Variants in SLC26A8 observed in about 807,000 individuals in gnomAD.
The protein encoded by SLC26A8 is solute carrier family 26 member 8.
A neutral mutation model predicts 105.0 loss-of-function variants in SLC26A8; 70 were observed. That is an observed-to-expected ratio of 0.67 (90% CI 0.55 to 0.81). The LOEUF (loss-of-function observed/expected upper bound fraction) is 0.81, where lower values mean the gene tolerates loss of function less well. Ranked by LOEUF, SLC26A8 falls within the 40% of genes least tolerant of loss-of-function variation. The probability of loss-of-function intolerance (pLI) is 0.00; values close to 1 mark genes in which losing one functional copy is unlikely to be tolerated. For synonymous variants in SLC26A8, 415 were observed against 438.3 expected (o/e 0.95, Z 0.66); for missense variants, 998 against 1,181.8 (o/e 0.84, Z 2.28).
chr6:35,980,963 G>A (rs1482188603), intron 8 of SLC26A8, among the ~76,000 whole-genome samples: 1 of 152,072 alleles, frequency 6.6e-6, no homozygotes, highest in Non-Finnish European at 1.5e-5. Flanking sequence ...AGTGAGCTGA[G>A]ATGGCGCATT....
chr6:35,999,013 G>A (rs528503389), intron 4 of SLC26A8, among the ~76,000 whole-genome samples: 11 of 150,362 alleles, frequency 7.3e-5, no homozygotes, highest in African/African-American at 2.8e-4. Context: ...TCCTGCCTCA[G>A]CCTCCCAAGT....
intron 16 of SLC26A8, among the ~76,000 whole-genome samples, chr6:35,959,192 C>A (rs1382319091): frequency 6.6e-6 from 1 of 152,174 alleles, no homozygotes; most frequent in African/African-American, 2.4e-5. Flanking sequence ...GCAAACTGTT[C>A]TCTGGTCACT....
At chr6:36,012,651 T>C (rs1456639263) in intron 2 of SLC26A8, among the ~76,000 whole-genome samples, 2 of 152,198 alleles carry the variant, frequency 1.3e-5, no homozygotes, top group African/African-American at 4.8e-5. Context: ...TCTCCAGACA[T>C]CGCCACATGT....
At chr6:35,968,607 G>A (rs559175264) in intron 11 of SLC26A8, among the ~76,000 whole-genome samples, 7,809 of 46,318 alleles carry the variant, frequency 0.17, 637 homozygotes, top group Middle Eastern at 0.21. Context: ...GTGTGTGTGT[G>A]TGTATATATA....
intron 1 of SLC26A8, among the ~76,000 whole-genome samples, chr6:36,021,589 G>A (rs1338691214): frequency 6.6e-6 from 1 of 152,152 alleles, no homozygotes; most frequent in Non-Finnish European, 1.5e-5. Context: ...GGAACAGTGG[G>A]GCTGGCAAAG....
chr6:35,994,176 G>A (rs949085639), intron 5 of SLC26A8, among the ~76,000 whole-genome samples: 6 of 137,698 alleles, frequency 4.4e-5, no homozygotes, highest in African/African-American at 8.2e-5. Context: ...GTGCAGTGGC[G>A]TGATCTCGAC....
At chr6:35,975,063 A>C (rs936741222) in intron 10 of SLC26A8, among the ~76,000 whole-genome samples, 5 of 152,042 alleles carry the variant, frequency 3.3e-5, no homozygotes, top group African/African-American at 1.2e-4. Flanking sequence ...TGGCCAGTTT[A>C]CCTAAAATAT....
chr6:35,945,307 T>A (rs1400691157), intron 19 of SLC26A8, among the ~76,000 whole-genome samples: 1 of 152,210 alleles, frequency 6.6e-6, no homozygotes, highest in African/African-American at 2.4e-5. Flanking sequence ...TCTCTGGCTT[T>A]TCTAGCTAGA....
intron 1 of SLC26A8, among the ~76,000 whole-genome samples, chr6:36,020,975 C>G (rs1367567265): frequency 1.3e-5 from 2 of 152,170 alleles, no homozygotes; most frequent in Admixed American, 1.3e-4. Flanking sequence ...TTATCCTATG[C>G]CATGCATTGC....
chr6:36,014,278 C>T (rs1761939445), intron 2 of SLC26A8, among the ~76,000 whole-genome samples: 1 of 152,156 alleles, frequency 6.6e-6, no homozygotes, highest in African/African-American at 2.4e-5. Context: ...CAAAGCTCTT[C>T]CCCATGGTGA....
chr6:36,013,221 G>C (rs533627421), intron 2 of SLC26A8, among the ~76,000 whole-genome samples: 1 of 150,298 alleles, frequency 6.7e-6, no homozygotes, highest in Non-Finnish European at 1.5e-5. Flanking sequence ...TTTTTAGATG[G>C]AGTCTTGCTC....
intron 11 of SLC26A8, among the ~76,000 whole-genome samples, chr6:35,965,904 T>C (rs1581639736): frequency 6.7e-6 from 1 of 149,402 alleles, no homozygotes; most frequent in Non-Finnish European, 1.5e-5. Context: ...GGCAGGAAAA[T>C]TGCTTGAACC....
chr6:36,012,267 A>C lies in SLC26A8; in HGVS notation c.294T>G (p.Ala98=). Residue 98 remains alanine, a synonymous_variant, in exon 3 of 20, where the codon GCT becomes GCG. Coordinates refer to ENST00000490799, the MANE Select transcript of SLC26A8 (RefSeq NM_052961.4). The part of the protein sequence containing the change: ...LKDWLLGDLL[A]GISVGLVQVP... ...CTTGCACAAGGCCAACACTTATACCAGCAAGTAAGTCTCCCAGAAGCCAAT... is the reference window on the plus strand; with the variant it reads ...CTTGCACAAGGCCAACACTTATACCCGCAAGTAAGTCTCCCAGAAGCCAAT... 1.2e-6 allele frequency: 2 copies of C among 1,612,254 alleles called. No homozygotes were observed. Among genetic ancestry groups the C allele is most frequent in the East Asian group, 2.2e-5 (1 of 44,862 alleles).
At chr6:35,963,362 A>G (rs1251459767) in intron 11 of SLC26A8, among the ~76,000 whole-genome samples, 1 of 152,026 alleles carries the variant, frequency 6.6e-6, no homozygotes, top group African/African-American at 2.4e-5. Flanking sequence ...TTTTCTATAC[A>G]TCTCTGGAAT....
chr6:35,996,048 A>G (rs1761342735), intron 5 of SLC26A8, among the ~76,000 whole-genome samples: 1 of 152,226 alleles, frequency 6.6e-6, no homozygotes, highest in African/African-American at 2.4e-5. Context: ...GACAAGCTCT[A>G]GGCTAAATAC....
intron 3 of SLC26A8, among the ~76,000 whole-genome samples, chr6:36,008,069 G>A (rs1372575514): frequency 1.4e-5 from 2 of 145,384 alleles, no homozygotes; most frequent in Non-Finnish European, 1.5e-5. Context: ...GCAGTGAGCC[G>A]AGATTGAGCC....
At chr6:35,979,972 C>A (rs537626231) in intron 8 of SLC26A8, among the ~76,000 whole-genome samples, 3 of 151,858 alleles carry the variant, frequency 2.0e-5, no homozygotes, top group Admixed American at 6.6e-5. Flanking sequence ...TGGGTTTTTT[C>A]TTTTTTCTTT....
intron 11 of SLC26A8, among the ~76,000 whole-genome samples, chr6:35,967,794 A>G (rs1455417942): frequency 1.3e-5 from 2 of 152,208 alleles, no homozygotes; most frequent in Non-Finnish European, 2.9e-5. Context: ...CTTACTTACG[A>G]AGCTTGCTTT....
intron 10 of SLC26A8, 77 bp from the exon 11 acceptor site, chr6:35,969,031 G>T: frequency 7.8e-7 from 1 of 1,276,964 alleles, no homozygotes; most frequent in African/African-American, 1.5e-5. Context: ...CCTTCTGCTT[G>T]GTGAGAAGCA....
Sources: allele counts gnomAD v4.1 joint callset (sites outside exome capture counted in the v4.1 genomes callset), GRCh38; gene constraint gnomAD v4.1.1; transcripts MANE v1.5; gene names NCBI Gene and HGNC (gene_info 2026-07-23, HGNC 2026-07-21).